ZFPM2: variants seen among roughly 807,000 people sequenced by gnomAD.
The protein encoded by ZFPM2 is zinc finger protein, FOG family member 2.
ZFPM2 carries 20 observed loss-of-function variants against 98.6 expected under a neutral mutation model. That is an observed-to-expected ratio of 0.20 (90% CI 0.14 to 0.29). The LOEUF is 0.29. Ranked by LOEUF, ZFPM2 falls within the 10% of genes least tolerant of loss-of-function variation. The pLI, the probability that ZFPM2 is intolerant of heterozygous loss-of-function variation, is 1.00. For synonymous variants in ZFPM2, 518 were observed against 502.7 expected (o/e 1.03, Z -0.41); for missense variants, 1,310 against 1,388.6 (o/e 0.94, Z 0.90).
chr8:105,778,786 A>C (rs1813170535), intron 5 of ZFPM2, among the ~76,000 whole-genome samples: 2 of 152,152 alleles, frequency 1.3e-5, no homozygotes, highest in South Asian at 4.1e-4. Flanking sequence ...CTATTTAAAA[A>C]TGCTGGTTCC....
At chr8:105,550,673 A>T (rs1329259825) in intron 3 of ZFPM2, among the ~76,000 whole-genome samples, 1 of 152,198 alleles carries the variant, frequency 6.6e-6, no homozygotes, top group Non-Finnish European at 1.5e-5. Flanking sequence ...TGGGAATTCA[A>T]CAGGAGCAAT....
intron 4 of ZFPM2, among the ~76,000 whole-genome samples, chr8:105,592,716 A>T (rs1026038402): frequency 3.3e-5 from 5 of 152,156 alleles, no homozygotes; most frequent in Admixed American, 3.3e-4. Flanking sequence ...GATTTGTGCT[A>T]TTATCACTGA....
chr8:105,407,933 G>A (rs181787954), intron 1 of ZFPM2, among the ~76,000 whole-genome samples: 76 of 151,992 alleles, frequency 5.0e-4, no homozygotes, highest in African/African-American at 1.5e-3. Flanking sequence ...GGAGGCTGGC[G>A]CAGAGTTTAT....
intron 5 of ZFPM2, among the ~76,000 whole-genome samples, chr8:105,663,932 C>A (rs758320234): frequency 2.8e-4 from 42 of 152,260 alleles, no homozygotes; most frequent in Non-Finnish European, 1.8e-4. Flanking sequence ...TAAGTAAACA[C>A]CCCCACTTGA....
chr8:105,637,759 C>T (rs927882389), intron 5 of ZFPM2, among the ~76,000 whole-genome samples: 2 of 152,066 alleles, frequency 1.3e-5, no homozygotes, highest in African/African-American at 4.8e-5. Flanking sequence ...ACTCAGGAGT[C>T]GTCTGTCTCC....
rs532586252 is a variant in ZFPM2 at position 105,618,299 on chromosome 8, A to G, written c.421-15947A>G. Among the ~76,000 whole-genome samples the G allele has an allele frequency of 2.6e-5, 4 of 152,302 alleles. No homozygotes were observed. The East Asian group carries it at 7.7e-4, about 29-fold the overall frequency. ...TATAGATTTGCTAAGAGAAAAATAGAAGGCAGTTCATGGCTAAGGCAATTT... is the reference window on the plus strand; with the variant it reads ...TATAGATTTGCTAAGAGAAAAATAGGAGGCAGTTCATGGCTAAGGCAATTT... On this transcript the variant is annotated intron_variant, in intron 4 of 7. Transcript: ENST00000407775.
chr8:105,322,781 T>G (rs929348135), intron 1 of ZFPM2, among the ~76,000 whole-genome samples: 1 of 152,176 alleles, frequency 6.6e-6, no homozygotes, highest in Admixed American at 6.5e-5. Context: ...AATGTTCTGG[T>G]TAGAGAATAA....
chr8:105,750,549 T>C lies in ZFPM2; in HGVS notation c.533-38169T>C, dbSNP rs996369982. Among the ~76,000 whole-genome samples the C allele has an allele frequency of 5.3e-5, 8 of 152,178 alleles. No individual in the cohort carries two copies. In the South Asian group the frequency reaches 6.2e-4, roughly 12 times the overall value. On this transcript the variant is annotated intron_variant, in intron 5 of 7. Transcript: ENST00000407775. ...AATTTTAAAAATGTGTATTTCTAAG[T>C]TATGTGTTAGGAAAATATTTCTGTC... is the stretch of plus-strand genomic sequence containing the variant.
chr8:105,802,994 C>A lies in ZFPM2; in HGVS notation c.2912C>A (p.Ala971Glu), dbSNP rs1311508796. Residue 971 changes from alanine (A) to glutamate (E), a missense_variant, in exon 8 of 8, where the codon GCA (alanine) becomes GAA (glutamate). By Grantham distance (107) the Ala-to-Glu change is moderately radical. Coordinates refer to ENST00000407775, the MANE Select transcript of ZFPM2 (RefSeq NM_012082.4). ...LFLPQCLYPG[A>E]IKKAKGADQL... is the part of the protein sequence containing the mutation. ...CTTCCACAATGCCTTTACCCTGGAG[C>A]AATAAAGAAAGCAAAAGGAGCCGAC... The A allele has an allele frequency of 6.2e-7, 1 of 1,612,720 alleles. No homozygotes were observed.
intron 3 of ZFPM2, among the ~76,000 whole-genome samples, chr8:105,542,553 T>A (rs947669554): frequency 6.6e-6 from 1 of 152,190 alleles, no homozygotes; most frequent in African/African-American, 2.4e-5. Flanking sequence ...GTGAGTTCCC[T>A]ATCCACAACC....
In ZFPM2 at chr8:105,797,704, T is replaced by C. The variant is rs999126524; in HGVS notation, c.740-1020T>C. 1.8e-4 allele frequency among the ~76,000 whole-genome samples: 27 copies of C among 152,120 alleles called. 1 individual carries two copies. The highest frequency in any genetic ancestry group is 1.4e-3 in the Admixed American group (21 of 15,274). On this transcript the variant is annotated intron_variant, in intron 6 of 7. Transcript: ENST00000407775. ...TGAGCTGCCCATTTGATCAGGATGATCCAACCCCTCTTCTCCACCAAACCA... is the reference window on the plus strand; with the variant it reads ...TGAGCTGCCCATTTGATCAGGATGACCCAACCCCTCTTCTCCACCAAACCA...
chr8:105,616,044 A>G (rs1488503100), intron 4 of ZFPM2, among the ~76,000 whole-genome samples: 14 of 152,122 alleles, frequency 9.2e-5, no homozygotes, highest in African/African-American at 9.7e-5. Flanking sequence ...AAGGCTTTTT[A>G]TAGCATATGG....
chr8:105,794,444 G>A (rs1175438786), intron 6 of ZFPM2, among the ~76,000 whole-genome samples: 1 of 152,156 alleles, frequency 6.6e-6, no homozygotes, highest in Non-Finnish European at 1.5e-5. Context: ...TGGAAGTTTT[G>A]TCTCAGAGGA....
At chr8:105,714,244 A>T (rs184774138) in intron 5 of ZFPM2, among the ~76,000 whole-genome samples, 1 of 152,018 alleles carries the variant, frequency 6.6e-6, no homozygotes, top group Non-Finnish European at 1.5e-5. Flanking sequence ...ATAAGATTGC[A>T]TTCTTGATTT....
At chr8:105,506,324 T>A (rs1813697542) in intron 3 of ZFPM2, among the ~76,000 whole-genome samples, 1 of 152,214 alleles carries the variant, frequency 6.6e-6, no homozygotes, top group African/African-American at 2.4e-5. Context: ...TTCATCTACA[T>A]ACACATGCAC....
chr8:105,718,271 C>T (rs184931518), intron 5 of ZFPM2, among the ~76,000 whole-genome samples: 6 of 151,998 alleles, frequency 3.9e-5, no homozygotes, highest in Admixed American at 3.3e-4. Context: ...TGGCTGACTA[C>T]AACATCCAGA....
At chr8:105,437,184 A>G (rs1031945) in intron 2 of ZFPM2, among the ~76,000 whole-genome samples, 49,921 of 151,944 alleles carry the variant, frequency 0.33, 9,947 homozygotes, top group African/African-American at 0.56. Context: ...GTTGCTCAAA[A>G]TAGGTGCAAA....
chr8:105,715,066 C>CT (rs2130985048), intron 5 of ZFPM2, among the ~76,000 whole-genome samples: 2 of 152,074 alleles, frequency 1.3e-5, no homozygotes, highest in South Asian at 4.2e-4. Flanking sequence ...TGTAACTATA[C>CT]TTGTTTCTCA....
intron 3 of ZFPM2, among the ~76,000 whole-genome samples, chr8:105,540,910 G>A (rs1814562802): frequency 6.6e-6 from 1 of 152,126 alleles, no homozygotes; most frequent in Non-Finnish European, 1.5e-5. Flanking sequence ...TTGAGAAAAT[G>A]TTTATGAATG....
Sources: gnomAD v4.1 joint callset for allele counts (sites outside exome capture counted in the v4.1 genomes callset) on GRCh38, gnomAD v4.1.1 for gene constraint, MANE v1.5 for transcripts, NCBI Gene and HGNC (gene_info 2026-07-23, HGNC 2026-07-21) for gene names.